ABAT: variants seen among roughly 807,000 people sequenced by gnomAD.
ABAT encodes 4-aminobutyrate aminotransferase, mitochondrial.
A neutral mutation model predicts 64.6 loss-of-function variants in ABAT; 45 were observed. That is an observed-to-expected ratio of 0.70 (90% CI 0.55 to 0.89). The LOEUF (loss-of-function observed/expected upper bound fraction) is 0.89, where lower values mean the gene tolerates loss of function less well. ABAT is among the 40% of genes least tolerant of loss of function. ABAT has a pLI of 0.00. For synonymous variants in ABAT, 297 were observed against 250.5 expected, an observed-to-expected ratio of 1.19 and a Z score of -1.75; for missense variants, 633 against 658.4, an observed-to-expected ratio of 0.96 and a Z score of 0.42.
intron 1 of ABAT, among the ~76,000 whole-genome samples, chr16:8,730,301 T>C (rs2058681514): frequency 7.2e-5 from 11 of 152,126 alleles, no homozygotes; most frequent in Admixed American, 7.2e-4. Context: ...AATGCATCAA[T>C]GGCAACCGCC....
chr16:8,680,211 T>A (rs952872978), intron 1 of ABAT, among the ~76,000 whole-genome samples: 5 of 152,058 alleles, frequency 3.3e-5, no homozygotes, highest in Admixed American at 2.0e-4. Flanking sequence ...ATTTCTTGGG[T>A]CCATCACTGT....
chr16:8,694,500 C>G (rs997530669), intron 1 of ABAT, among the ~76,000 whole-genome samples: 1 of 152,128 alleles, frequency 6.6e-6, no homozygotes, highest in Non-Finnish European at 1.5e-5. Flanking sequence ...AAGCAATTCT[C>G]CCGAGCAGCT....
intron 3 of ABAT, 78 bp from the exon 4 acceptor site, chr16:8,748,030 G>T: frequency 1.4e-6 from 2 of 1,423,964 alleles, no homozygotes; most frequent in Non-Finnish European, 2.0e-6. Context: ...GCCAAGACTT[G>T]GGAAAACATG....
At chr16:8,742,060 C>T (rs926715318) in intron 2 of ABAT, among the ~76,000 whole-genome samples, 1 of 152,158 alleles carries the variant, frequency 6.6e-6, no homozygotes, top group African/African-American at 2.4e-5. Context: ...ATGATAGGAG[C>T]TGATACAGTT....
chr16:8,706,125 A>T (rs992159088), intron 1 of ABAT, among the ~76,000 whole-genome samples: 1 of 152,066 alleles, frequency 6.6e-6, no homozygotes, highest in Non-Finnish European at 1.5e-5. Flanking sequence ...AAAGATACTC[A>T]TGCTGGCTGC....
intron 5 of ABAT, among the ~76,000 whole-genome samples, chr16:8,753,900 G>C (rs1026793494): frequency 1.4e-4 from 21 of 152,052 alleles, no homozygotes; most frequent in African/African-American, 5.1e-4. Flanking sequence ...TCTCCCCTGG[G>C]TGATGCCAGG....
Position 8,686,821 on chromosome 16 carries a change from T to C in ABAT, c.-42+12110T>C, listed in dbSNP as rs2057466260. Among the ~76,000 whole-genome samples the C allele has an allele frequency of 2.0e-5, 3 of 152,242 alleles. No individual in the cohort carries two copies. In the South Asian group the frequency reaches 6.2e-4, roughly 31 times the overall value. Reference sequence around the variant, plus strand: ...TGCACCTAATGATCACAGCAGAGTTTGGGAAATGAACTACCCCTGCAAATG... The same window carrying C: ...TGCACCTAATGATCACAGCAGAGTTCGGGAAATGAACTACCCCTGCAAATG... On this transcript the variant is annotated intron_variant, in intron 1 of 15. Coordinates refer to ENST00000268251, the MANE Select transcript of ABAT (RefSeq NM_020686.6).
At chr16:8,748,270 T>C (rs1042002458) in intron 4 of ABAT, 133 bp downstream of exon 4, 1 of 833,244 alleles carries the variant, frequency 1.2e-6, no homozygotes. Context: ...TTTTTTCTCA[T>C]TTCCTTTGTG....
intron 1 of ABAT, among the ~76,000 whole-genome samples, chr16:8,682,186 T>TACACACAC (rs55951090): frequency 0.063 from 8,317 of 131,420 alleles, 268 homozygotes; most frequent in South Asian, 0.078. Flanking sequence ...CCTAACAGGA[T>TACACACAC]ACACACACAC....
At chr16:8,677,166 A>T (rs1424280276) in intron 1 of ABAT, among the ~76,000 whole-genome samples, 2 of 152,218 alleles carry the variant, frequency 1.3e-5, no homozygotes, top group African/African-American at 4.8e-5. Context: ...TTGGGGTAAA[A>T]TGAGTTAATC....
At chr16:8,749,966 C>T (rs1199648315) in intron 4 of ABAT, among the ~76,000 whole-genome samples, 2 of 152,168 alleles carry the variant, frequency 1.3e-5, no homozygotes, top group African/African-American at 4.8e-5. Flanking sequence ...CCACCTGCCT[C>T]GGCTTCCCAA....
intron 1 of ABAT, among the ~76,000 whole-genome samples, chr16:8,684,651 C>T (rs1474927440): frequency 2.7e-5 from 4 of 150,784 alleles, no homozygotes; most frequent in African/African-American, 4.9e-5. Flanking sequence ...TCAAGGAGGC[C>T]GAGCCAGGCT....
intron 1 of ABAT, among the ~76,000 whole-genome samples, chr16:8,698,769 A>AC (rs144288473): frequency 0.048 from 7,363 of 151,908 alleles, 584 homozygotes; most frequent in African/African-American, 0.17. Flanking sequence ...CCATGATGAA[A>AC]CCCATCTCTA....
intron 2 of ABAT, among the ~76,000 whole-genome samples, chr16:8,742,424 T>C (rs182907547): frequency 6.6e-6 from 1 of 152,326 alleles, no homozygotes; most frequent in African/African-American, 2.4e-5. Context: ...TTCTGATTTT[T>C]CATTTTCCCC....
intron 6 of ABAT, among the ~76,000 whole-genome samples, chr16:8,763,795 G>A (rs1447474974): frequency 2.6e-5 from 4 of 152,158 alleles, no homozygotes; most frequent in East Asian, 1.9e-4. Flanking sequence ...TGTACGCTTC[G>A]CTCAGTTTTC....
intron 1 of ABAT, among the ~76,000 whole-genome samples, chr16:8,726,241 C>T (rs1294751923): frequency 2.1e-5 from 3 of 145,248 alleles, no homozygotes; most frequent in East Asian, 2.0e-4. Context: ...GTTCCATCCA[C>T]GTTGTTGCAA....
intron 5 of ABAT, among the ~76,000 whole-genome samples, chr16:8,752,291 T>C (rs1243551662): frequency 3.3e-5 from 5 of 152,170 alleles, no homozygotes; most frequent in Non-Finnish European, 5.9e-5. Context: ...ATCTCCCCTT[T>C]GTGTGGGAGT....
At chr16:8,718,336 T>C (rs570822425) in intron 1 of ABAT, among the ~76,000 whole-genome samples, 1 of 152,150 alleles carries the variant, frequency 6.6e-6, no homozygotes, top group African/African-American at 2.4e-5. Context: ...ATACAATACA[T>C]AAGCAGATGT....
intron 1 of ABAT, chr16:8,720,814 C>A (rs547868940): frequency 2.0e-5 from 3 of 152,240 alleles, no homozygotes; most frequent in African/African-American, 7.2e-5. Context: ...TTGGTCCCAA[C>A]GGCTGATAGG....
Sources: allele counts gnomAD v4.1 joint callset (sites outside exome capture counted in the v4.1 genomes callset), GRCh38; gene constraint gnomAD v4.1.1; transcripts MANE v1.5; gene names NCBI Gene and HGNC (gene_info 2026-07-23, HGNC 2026-07-21).